The following USP32 variants were observed in gnomAD, a reference collection of about 807,000 sequenced individuals.
USP32 encodes the protein ubiquitin specific peptidase 32, also known as ubiquitin carboxyl-terminal hydrolase 32.
USP32 carries 59 observed loss-of-function variants against 204.8 expected under a neutral mutation model. The observed-to-expected ratio is 0.29, with a 90% CI of 0.23 to 0.36. USP32 has a LOEUF of 0.36. USP32 is among the 10% of genes least tolerant of loss of function. The pLI is 1.00. For synonymous variants in USP32, 517 were observed against 678.4 expected, an observed-to-expected ratio of 0.76 and a Z score of 3.70; for missense variants, 1,160 against 1,946.4, an observed-to-expected ratio of 0.60 and a Z score of 7.60.
rs1355561957 is a variant in USP32 at position 60,300,005 on chromosome 17, G to A, written c.292+1594C>T. Among the ~76,000 whole-genome samples, 3 of 152,010 alleles carry A rather than the reference G, an allele frequency of 2.0e-5. No homozygotes were observed. In the East Asian group the frequency reaches 5.8e-4, roughly 29 times the overall value. ...CTCATGACCTAATCACCTCCCACAG[G>A]CCCCATCCCCTAATACCATCACCTT... On this transcript the variant is annotated intron_variant, in intron 3 of 33. Transcript: ENST00000300896.
chr17:60,291,991 G>C lies in USP32; in HGVS notation c.411+2692C>G, dbSNP rs149535647. On this transcript the variant is annotated intron_variant, in intron 4 of 33. Transcript: ENST00000300896. ...ACATTTCATCTAGTATCCTACACCAGCAATTTTTTAATTCCACAGGACCTA... is the reference window on the plus strand; with the variant it reads ...ACATTTCATCTAGTATCCTACACCACCAATTTTTTAATTCCACAGGACCTA... 7.2e-3 allele frequency among the ~76,000 whole-genome samples: 1,085 copies of C among 150,146 alleles called. 16 individuals carry two copies. Among genetic ancestry groups the C allele is most frequent in the African/African-American group, 0.026 (1,043 of 40,878 alleles).
At chr17:60,341,586 G>A (rs551123101) in intron 2 of USP32, among the ~76,000 whole-genome samples, 75 of 152,224 alleles carry the variant, frequency 4.9e-4, no homozygotes, top group South Asian at 2.7e-3. Context: ...ATTTCTTGGC[G>A]GCTTTGTTCA....
At chr17:60,404,815 T>C (rs144593211) in intron 1 of USP32, among the ~76,000 whole-genome samples, 7 of 152,294 alleles carry the variant, frequency 4.6e-5, no homozygotes, top group African/African-American at 1.7e-4. Context: ...AGAAGGCTGG[T>C]CTTTTTACTT....
At chr17:60,422,306 T>C in exon 1 of USP32, 1 of 541,970 alleles carries the variant, frequency 1.8e-6, no homozygotes, top group Non-Finnish European at 3.0e-6. Flanking sequence ...CAGCCTCTCC[T>C]GGCCTGCTGT....
chr17:60,274,325 A>C (rs2086793733), intron 5 of USP32, among the ~76,000 whole-genome samples: 1 of 152,174 alleles, frequency 6.6e-6, no homozygotes, highest in African/African-American at 2.4e-5. Flanking sequence ...AGATAATATC[A>C]AACATACATA....
At chr17:60,390,597 CCAATA>C (rs1284585521) in intron 1 of USP32, among the ~76,000 whole-genome samples, 1 of 152,226 alleles carries the variant, frequency 6.6e-6, no homozygotes, top group African/African-American at 2.4e-5. Context: ...TCCACCACCA[CCAATA>C]CATCTCAATT....
At chr17:60,229,749 G>A (rs756796530) in intron 12 of USP32, among the ~76,000 whole-genome samples, 28 of 152,236 alleles carry the variant, frequency 1.8e-4, no homozygotes, top group South Asian at 4.1e-4. Flanking sequence ...AAGGTAATCC[G>A]TTTATAAATT....
At position 60,334,649 on chromosome 17, in the gene USP32, G is replaced by A. The variant is rs1367443757; in HGVS notation, c.186+10832C>T. 4.9e-5 allele frequency among the ~76,000 whole-genome samples: 7 copies of A among 142,648 alleles called. 1 individual carries two copies. Among genetic ancestry groups the A allele is most frequent in the Admixed American group, 2.7e-4 (4 of 14,712 alleles). 93.6% of individuals were successfully genotyped at this position (142,648 alleles called of 152,430 possible). On this transcript the variant is annotated intron_variant, in intron 2 of 33. Coordinates refer to ENST00000300896, the MANE Select transcript of USP32 (RefSeq NM_032582.4). ...GGAGCTTGCAGTGAGCCGAGATCGC[G>A]CCACTGCACTCCAGCCTGGGCAACA...
intron 26 of USP32, among the ~76,000 whole-genome samples, chr17:60,199,569 T>G (rs576175408): frequency 3.0e-4 from 46 of 152,350 alleles, no homozygotes; most frequent in African/African-American, 1.0e-3. Context: ...TTAGAAAAGC[T>G]AAATCAACAA....
At chr17:60,227,371 G>C (rs566542842) in intron 12 of USP32, among the ~76,000 whole-genome samples, 2 of 151,216 alleles carry the variant, frequency 1.3e-5, no homozygotes, top group African/African-American at 4.8e-5. Flanking sequence ...CCAGGTTCAG[G>C]AGATTCTCCT....
chr17:60,420,323 T>G (rs1170903265), intron 1 of USP32, among the ~76,000 whole-genome samples: 1 of 152,244 alleles, frequency 6.6e-6, no homozygotes, highest in Middle Eastern at 3.4e-3. Context: ...CTTAGCATTA[T>G]ATAATGTTTT....
chr17:60,202,458 C>T (rs984807017), intron 26 of USP32, among the ~76,000 whole-genome samples: 72 of 151,722 alleles, frequency 4.7e-4, no homozygotes, highest in Admixed American at 3.4e-3. Flanking sequence ...CACACACACA[C>T]ACACACACAC....
At chr17:60,216,250 G>A (rs1392244519) in intron 16 of USP32, among the ~76,000 whole-genome samples, 1 of 149,074 alleles carries the variant, frequency 6.7e-6, no homozygotes, top group Admixed American at 6.7e-5. Flanking sequence ...AAGAGGAGGG[G>A]TATGAAATGA....
intron 9 of USP32, among the ~76,000 whole-genome samples, chr17:60,261,201 C>A (rs566047420): frequency 6.6e-6 from 1 of 152,248 alleles, no homozygotes; most frequent in South Asian, 2.1e-4. Flanking sequence ...AAATTAACAG[C>A]TAGTGTAAAC....
At chr17:60,287,713 T>C (rs2087152329) in intron 5 of USP32, among the ~76,000 whole-genome samples, 2 of 152,118 alleles carry the variant, frequency 1.3e-5, no homozygotes, top group Admixed American at 1.3e-4. Context: ...ACAGCAACCC[T>C]AGGAAACTAA....
At chr17:60,404,775 A>G (rs773647412) in intron 1 of USP32, among the ~76,000 whole-genome samples, 1 of 152,186 alleles carries the variant, frequency 6.6e-6, no homozygotes, top group Non-Finnish European at 1.5e-5. Context: ...CAACCTTCTC[A>G]TCTTTCCTGT....
chr17:60,222,122 C>T (rs750934011), intron 15 of USP32, among the ~76,000 whole-genome samples: 3 of 152,238 alleles, frequency 2.0e-5, no homozygotes, highest in Non-Finnish European at 2.9e-5. Context: ...CTTTTTGGCA[C>T]TGGCTCTTGG....
chr17:60,302,113 GTTTATTTATTTA>G (rs141481291), intron 2 of USP32, among the ~76,000 whole-genome samples: 4,421 of 141,616 alleles, frequency 0.031, 90 homozygotes, highest in Non-Finnish European at 0.046. Context: ...TATTTTGTTT[GTTTATTTATTTA>G]TTTATTTATT....
chr17:60,369,959 C>T (rs1397630207), intron 1 of USP32, among the ~76,000 whole-genome samples: 1 of 152,066 alleles, frequency 6.6e-6, no homozygotes, highest in East Asian at 1.9e-4. Context: ...AGGCTAGTCT[C>T]GAACTCCTGC....
Sources: allele counts gnomAD v4.1 joint callset (sites outside exome capture counted in the v4.1 genomes callset), GRCh38; gene constraint gnomAD v4.1.1; transcripts MANE v1.5; gene names NCBI Gene and HGNC (gene_info 2026-07-23, HGNC 2026-07-21).